CELF2: variants seen among roughly 807,000 people sequenced by gnomAD.
CELF2 encodes CUG triplet repeat RNA-binding protein 2.
CELF2 carries 8 observed loss-of-function variants against 62.6 expected under a neutral mutation model. That is an observed-to-expected ratio of 0.13 (90% CI 0.07 to 0.23). The LOEUF (loss-of-function observed/expected upper bound fraction) is 0.23. CELF2 is among the 10% of genes least tolerant of loss of function. The probability of loss-of-function intolerance (pLI) is 1.00; values close to 1 mark genes in which losing one functional copy is unlikely to be tolerated. For missense variants in CELF2, 333 were observed against 671.0 expected, an observed-to-expected ratio of 0.50 and a Z score of 5.56; for synonymous variants, 258 against 250.0, an observed-to-expected ratio of 1.03 and a Z score of -0.30.
chr10:10,874,277 C>A (rs1488650097), intron 1 of CELF2, among the ~76,000 whole-genome samples: 2 of 152,096 alleles, frequency 1.3e-5, no homozygotes, highest in African/African-American at 2.4e-5. Flanking sequence ...ATGATTGCAC[C>A]ACTGCACTCC....
chr10:10,867,774 G>T (rs2060479280), intron 1 of CELF2, among the ~76,000 whole-genome samples: 1 of 152,198 alleles, frequency 6.6e-6, no homozygotes, highest in African/African-American at 2.4e-5. Flanking sequence ...GCCGAGCACA[G>T]ATGGAAAAAA....
In CELF2 at chr10:10,907,412, A is replaced by G. The variant is rs936120534; in HGVS notation, c.54-12552A>G. On this transcript the variant is annotated intron_variant, in intron 1 of 13. Transcript: ENST00000636488. ...TTCTTCACCTTTTAAAAAAAGTTTTATTACAAATGTGCTTTTAAAGAACAA... is the reference window on the plus strand; with the variant it reads ...TTCTTCACCTTTTAAAAAAAGTTTTGTTACAAATGTGCTTTTAAAGAACAA... Among the ~76,000 whole-genome samples the G allele has an allele frequency of 2.6e-5, 4 of 152,230 alleles. No homozygotes were observed. The East Asian group carries it at 5.8e-4, about 22-fold the overall frequency.
At position 11,268,818 on chromosome 10, in the gene CELF2, C is replaced by A. The variant is rs1590205162; in HGVS notation, c.619-1848C>A. Among the ~76,000 whole-genome samples, 2 of 152,230 alleles carry A rather than the reference C, an allele frequency of 1.3e-5. No individual in the cohort carries two copies. The highest frequency in any genetic ancestry group is 1.9e-4 in the East Asian group (1 of 5,186). On this transcript the variant is annotated intron_variant, in intron 6 of 12. Transcript: ENST00000633077. This position sits in a 1 kb window ranked among gnomAD's most constrained non-coding sequence, Gnocchi z 4.7. Reference sequence around the variant, plus strand: ...TTATTTCCAGGACTCTGGCATACATCTTTAACCAAGATGTATTACCTAATT... The same window carrying A: ...TTATTTCCAGGACTCTGGCATACATATTTAACCAAGATGTATTACCTAATT...
chr10:10,895,036 C>T (rs1356798010), intron 1 of CELF2, among the ~76,000 whole-genome samples: 1 of 152,126 alleles, frequency 6.6e-6, no homozygotes, highest in Non-Finnish European at 1.5e-5. Flanking sequence ...AGTGATATCA[C>T]ATTAAATCCT....
upstream of CELF2, chr10:10,796,883 A>G (rs372283269): frequency 5.2e-5 from 51 of 985,306 alleles, no homozygotes; most frequent in East Asian, 4.5e-3. Context: ...AGTCCCAGAA[A>G]GGCAATGATT....
chr10:10,915,891 G>A (rs551261716), intron 1 of CELF2, among the ~76,000 whole-genome samples: 2 of 152,342 alleles, frequency 1.3e-5, no homozygotes, highest in Non-Finnish European at 2.9e-5. Flanking sequence ...TGGGCTGAAC[G>A]TAGATTAAGT....
In CELF2 at chr10:10,979,578, G is replaced by A. The variant is rs563102649; in HGVS notation, c.89+59579G>A. Among the ~76,000 whole-genome samples, 14 of 151,434 alleles carry A rather than the reference G, an allele frequency of 9.2e-5. No individual in the cohort carries two copies. In the South Asian group the frequency reaches 2.9e-3, roughly 32 times the overall value. On this transcript the variant is annotated intron_variant, in intron 2 of 13. Transcript: ENST00000636488. ...CTCAGCTATGCAGGGGGCTGAGGTG[G>A]GAGGATAGTTTGAGCCTGGGAGGTG...
rs771876192 is a variant in CELF2, at chr10:11,257,818, T to C, written c.484T>C (p.Phe162Leu). ...CGACATCAGGGTGATGTTCTCTCCA[T>C]TTGGCCAGATAGAAGAATGCCGGAT... Reference protein sequence around the residue: ...ENDIRVMFSPFGQIEECRILR... With the variant: ...ENDIRVMFSPLGQIEECRILR... The change falls in exon 5 of 13, where the codon TTT (phenylalanine) becomes CTT (leucine). Residue 162 changes from phenylalanine to leucine, a missense_variant. Coordinates refer to ENST00000633077, the MANE Select transcript of CELF2 (RefSeq NM_001326342.2). The C allele has an allele frequency of 6.2e-7, 1 of 1,614,100 alleles. No individual in the cohort carries two copies. Among genetic ancestry groups the C allele is most frequent in the Admixed American group, 1.7e-5 (1 of 60,024 alleles).
Position 11,191,658 on chromosome 10 carries a change from G to A in CELF2, c.272-25767G>A, listed in dbSNP as rs781019522. Among the ~76,000 whole-genome samples the A allele has an allele frequency of 3.9e-5, 6 of 152,136 alleles. No individual in the cohort carries two copies. Among genetic ancestry groups the A allele is most frequent in the African/African-American group, 7.2e-5 (3 of 41,434 alleles). ...CTGTGGCCTCCCCAGGATGTTACAC[G>A]TCCTGGCCTCCTCCCTGCAGAAGAT... On this transcript the variant is annotated intron_variant, in intron 2 of 12. Coordinates refer to ENST00000633077, the MANE Select transcript of CELF2 (RefSeq NM_001326342.2). The surrounding 1 kb of genome is among the most constrained non-coding windows in gnomAD (Gnocchi z 4.1).
chr10:10,522,848 G>A, the CELF2 span, among the ~76,000 whole-genome samples: 1 of 152,176 alleles, frequency 6.6e-6, no homozygotes, highest in African/African-American at 2.4e-5. Flanking sequence ...GGGATTACAG[G>A]CATAAGCCAC....
chr10:10,880,777 A>T (rs889814528), intron 1 of CELF2, among the ~76,000 whole-genome samples: 1 of 152,196 alleles, frequency 6.6e-6, no homozygotes, highest in African/African-American at 2.4e-5. Flanking sequence ...CTTAACCAAA[A>T]TAGTTGGGCT....
At chr10:10,815,331 AT>A (rs2056350880) in intron 1 of CELF2, among the ~76,000 whole-genome samples, 1 of 152,124 alleles carries the variant, frequency 6.6e-6, no homozygotes, top group African/African-American at 2.4e-5. Flanking sequence ...CTCAATTAAT[AT>A]TTCTGCAGGA....
Position 10,993,741 on chromosome 10 carries a change from A to G in CELF2, c.89+73742A>G, listed in dbSNP as rs2053664174. 6.6e-6 allele frequency among the ~76,000 whole-genome samples: 1 copy of G among 152,172 alleles called. No homozygotes were observed. The highest frequency in any genetic ancestry group is 1.5e-5 in the Non-Finnish European group (1 of 68,024). ...TGTTTTCAGAAAGCATTGGATATCG[A>G]TATGGACTCAGCTGTGTTCTCCCCA... On this transcript the variant is annotated intron_variant, in intron 2 of 13. Coordinates refer to the CELF2 transcript ENST00000636488. This position sits in a 1 kb window ranked among gnomAD's most constrained non-coding sequence, Gnocchi z 5.3.
intron 9 of CELF2, among the ~76,000 whole-genome samples, chr10:11,303,378 A>G (rs1486715838): frequency 6.6e-6 from 1 of 152,194 alleles, no homozygotes; most frequent in African/African-American, 2.4e-5. Flanking sequence ...AAAGGCTGCA[A>G]AATTAGTCAT....
chr10:11,304,241 G>A (rs2094016247), intron 9 of CELF2, among the ~76,000 whole-genome samples: 1 of 152,024 alleles, frequency 6.6e-6, no homozygotes, highest in Admixed American at 6.6e-5. Context: ...TTGGCTCATG[G>A]CCCCTTCCTC....
In CELF2 at chr10:10,821,777, A is replaced by G. The variant is rs573206070; in HGVS notation, c.53+22960A>G. Among the ~76,000 whole-genome samples the G allele has an allele frequency of 7.2e-5, 11 of 152,192 alleles. No individual in the cohort carries two copies. The East Asian group carries it at 2.1e-3, about 29-fold the overall frequency. On this transcript the variant is annotated intron_variant, in intron 1 of 13. Coordinates refer to the CELF2 transcript ENST00000636488. ...TGCCTCAGCCTCCTGAATAGGTGGG[A>G]GTATGTGGTGATGCACGATGCCCAG...
the CELF2 span, among the ~76,000 whole-genome samples, chr10:10,510,017 A>G: frequency 4.6e-5 from 7 of 152,204 alleles, no homozygotes; most frequent in African/African-American, 1.7e-4. Context: ...CATGGCTGGG[A>G]GGGATTCTGG....
intron 2 of CELF2, among the ~76,000 whole-genome samples, chr10:11,213,134 A>AG (rs1257205023): frequency 6.6e-6 from 1 of 152,186 alleles, no homozygotes; most frequent in Non-Finnish European, 1.5e-5. Flanking sequence ...CTCCATGGAC[A>AG]GTAGGGAAGG....
At chr10:10,567,766 T>A in the CELF2 span, among the ~76,000 whole-genome samples, 1 of 152,156 alleles carries the variant, frequency 6.6e-6, no homozygotes. Flanking sequence ...TGTGGCCCCC[T>A]TGAGCGGAGA....
Sources: gnomAD v4.1 joint callset for allele counts (sites outside exome capture counted in the v4.1 genomes callset) on GRCh38, gnomAD v4.1.1 for gene constraint, Gnocchi (gnomAD v3.1) non-coding constraint, MANE v1.5 for transcripts, NCBI Gene and HGNC (gene_info 2026-07-23, HGNC 2026-07-21) for gene names.